KCNT1: variants seen among roughly 807,000 people sequenced by gnomAD.
The protein encoded by KCNT1 is potassium channel subfamily T member 1.
KCNT1 carries 78 observed loss-of-function variants against 147.8 expected under a neutral mutation model. That is an observed-to-expected ratio of 0.53 (90% confidence interval 0.44 to 0.64). The LOEUF (loss-of-function observed/expected upper bound fraction) is 0.64. Ranked by LOEUF, KCNT1 falls within the 30% of genes least tolerant of loss-of-function variation. The pLI is 0.00. For missense variants in KCNT1, 1,419 were observed against 1,750.3 expected (o/e 0.81, Z 3.38); for synonymous variants, 867 against 748.8 (o/e 1.16, Z -2.58).
intron 12 of KCNT1, 126 bp from the exon 13 acceptor site, chr9:135,765,498 C>A: frequency 9.0e-7 from 1 of 1,109,970 alleles, no homozygotes; most frequent in Non-Finnish European, 1.3e-6. Flanking sequence ...TCCCTCCCAC[C>A]AGATGCAAGA....
intron 3 of KCNT1, 120 bp from the exon 4 acceptor site, chr9:135,750,822 G>A (rs368060207): frequency 2.8e-5 from 23 of 835,662 alleles, no homozygotes; most frequent in African/African-American, 1.7e-4. Flanking sequence ...CGTGCAGCCC[G>A]GGTGTGGGAG....
At position 135,751,159 on chromosome 9, in the gene KCNT1, G is replaced by A. The variant is rs1831141764; in HGVS notation, c.434+118G>A. 15 of 919,248 alleles carry A rather than the reference G, an allele frequency of 1.6e-5. No individual in the cohort carries two copies. In the South Asian group the frequency reaches 2.1e-4, roughly 13 times the overall value. 56.9% of individuals were successfully genotyped at this position (919,248 alleles called of 1,614,324 possible). On this transcript the variant is annotated intron_variant, in intron 4 of 30. Coordinates refer to ENST00000371757, the MANE Select transcript of KCNT1 (RefSeq NM_020822.3). Reference sequence around the variant, plus strand: ...GAGCCCCTGTGCCTGGGGCCTTGGGGAGTCCTTCCTTCCCCAGTGCCTGTC... The same window carrying A: ...GAGCCCCTGTGCCTGGGGCCTTGGGAAGTCCTTCCTTCCCCAGTGCCTGTC...
chr9:135,726,621 G>A (rs1836153387), intron 2 of KCNT1, among the ~76,000 whole-genome samples: 1 of 151,856 alleles, frequency 6.6e-6, no homozygotes, highest in Middle Eastern at 3.4e-3. Flanking sequence ...CCCTACTCCC[G>A]CCCCCAACCT....
chr9:135,723,256 T>G lies in KCNT1; in HGVS notation c.254+8536T>G, dbSNP rs145895539. 5.8e-3 allele frequency among the ~76,000 whole-genome samples: 877 copies of G among 152,310 alleles called. 5 individuals are homozygous for G. The highest frequency in any genetic ancestry group is 0.018 in the East Asian group (92 of 5,168). The stretch of plus-strand genomic sequence containing the variant: ...CTGGCAGGGTGGGTGAGCTGTCCCG[T>G]GACCCGTCACCCCTCCACCAGGTCC... On this transcript the variant is annotated intron_variant, in intron 2 of 30. Coordinates refer to ENST00000371757, the MANE Select transcript of KCNT1 (RefSeq NM_020822.3).
At chr9:135,754,746 A>G (rs1384263566) in intron 5 of KCNT1, among the ~76,000 whole-genome samples, 1 of 152,170 alleles carries the variant, frequency 6.6e-6, no homozygotes, top group Admixed American at 6.5e-5. Flanking sequence ...GGTGAAAAAA[A>G]CAGGCTACCC....
At chr9:135,772,407 C>T (rs541967569) in intron 18 of KCNT1, among the ~76,000 whole-genome samples, 4 of 152,284 alleles carry the variant, frequency 2.6e-5, no homozygotes, top group African/African-American at 4.8e-5. Flanking sequence ...CTGAGACCCC[C>T]GAGCCCAGAA....
At chr9:135,746,995 G>A (rs1030316159) in intron 2 of KCNT1, among the ~76,000 whole-genome samples, 1 of 152,092 alleles carries the variant, frequency 6.6e-6, no homozygotes, top group Non-Finnish European at 1.5e-5. Context: ...CCTCGGGGAG[G>A]GGGAGCCGGT....
intron 2 of KCNT1, among the ~76,000 whole-genome samples, chr9:135,717,908 G>T (rs902673749): frequency 2.0e-5 from 3 of 152,216 alleles, no homozygotes; most frequent in African/African-American, 7.2e-5. Context: ...GTCTGGCATG[G>T]CCTCTCTCAT....
intron 2 of KCNT1, among the ~76,000 whole-genome samples, chr9:135,741,824 T>G (rs752796212): frequency 3.9e-5 from 6 of 152,200 alleles, no homozygotes; most frequent in Non-Finnish European, 8.8e-5. Flanking sequence ...ACATGGTTGT[T>G]TTGAGGATTA....
chr9:135,752,540 G>T lies in KCNT1; in HGVS notation c.435-1397G>T. Reference sequence around the variant, plus strand: ...AGGGCCCAAGTCTGTTGTGTTCACTGCCCGTCCCCTAGCACAGCGTCCAGG... The same window carrying T: ...AGGGCCCAAGTCTGTTGTGTTCACTTCCCGTCCCCTAGCACAGCGTCCAGG... On this transcript the variant is annotated intron_variant, in intron 4 of 30. Transcript: ENST00000371757. The surrounding 1 kb of genome is among the most constrained non-coding windows in gnomAD (Gnocchi z 5.1). 1 of 428,224 alleles carries T rather than the reference G, an allele frequency of 2.3e-6. No individual in the cohort carries two copies. The highest frequency in any genetic ancestry group is 7.1e-5 in the East Asian group (1 of 14,110). The allele number at this position is 428,224 out of a possible 1,614,324, so 26.5% of individuals were successfully genotyped here. A position where few individuals can be genotyped will look rare whatever the true frequency, so the allele number is the denominator to read the frequency against.
At chr9:135,723,641 G>A (rs1018846362) in intron 2 of KCNT1, among the ~76,000 whole-genome samples, 1 of 152,238 alleles carries the variant, frequency 6.6e-6, no homozygotes, top group Non-Finnish European at 1.5e-5. Flanking sequence ...GGGCCTCAGA[G>A]CCCTGTCAGT....
At position 135,778,491 on chromosome 9, in the gene KCNT1, G is replaced by T; in HGVS notation, c.2590G>T (p.Asp864Tyr). The T allele has an allele frequency of 1.9e-6, 3 of 1,570,236 alleles. No homozygotes were observed. Among genetic ancestry groups the T allele is most frequent in the Non-Finnish European group, 2.6e-6 (3 of 1,157,420 alleles). The change falls in exon 22 of 31, where the codon GAC (aspartate) becomes TAC (tyrosine). Residue 864 changes from aspartate (D) to tyrosine (Y), a missense_variant. Physicochemically the swap from Asp to Tyr is radical, Grantham distance 160 (BLOSUM62 -3). Around this residue, in one of 5 missense-constraint regions of KCNT1, gnomAD observed 247 missense variants for 397.1 expected, o/e 0.62. Transcript: ENST00000371757. ...PMVYYMEGSVDNLDSLLQCGI... is the reference protein window; with the variant it reads ...PMVYYMEGSVYNLDSLLQCGI... ...GGTCTACTACATGGAGGGCTCTGTG[G>T]ACAAGTAAGGCGTGGCCGGCCGAGG...
intron 4 of KCNT1, among the ~76,000 whole-genome samples, chr9:135,753,045 G>C (rs1831278217): frequency 6.6e-6 from 1 of 151,572 alleles, no homozygotes; most frequent in South Asian, 2.1e-4. Flanking sequence ...TGAGTAGATA[G>C]ATGGATGAGT....
chr9:135,737,408 G>A (rs1182325376), intron 2 of KCNT1, among the ~76,000 whole-genome samples: 1 of 152,116 alleles, frequency 6.6e-6, no homozygotes, highest in African/African-American at 2.4e-5. Flanking sequence ...GGACACCAAG[G>A]CCTCATCTGC....
intron 27 of KCNT1, 90 bp from the exon 28 acceptor site, chr9:135,785,220 T>C: frequency 6.4e-7 from 1 of 1,570,730 alleles, no homozygotes; most frequent in Non-Finnish European, 8.7e-7. Flanking sequence ...CCACCAGCCC[T>C]AAGCATGTTC....
chr9:135,721,401 T>C (rs1023138825), intron 2 of KCNT1, among the ~76,000 whole-genome samples: 1 of 152,206 alleles, frequency 6.6e-6, no homozygotes, highest in Non-Finnish European at 1.5e-5. Context: ...ATCCCAGTCC[T>C]GCCCCTGGCC....
At position 135,794,056 on chromosome 9, in the gene KCNT1, C is replaced by A; in HGVS notation, c.*1895C>A. ...CCCCCAGGCGAGGGGGGCTGCACAGCACCTGCAGGGAGGAGAAGGGAGAGA... is the reference window on the plus strand; with the variant it reads ...CCCCCAGGCGAGGGGGGCTGCACAGAACCTGCAGGGAGGAGAAGGGAGAGA... On this transcript the variant is annotated 3_prime_UTR_variant, in exon 31 of 31. Transcript: ENST00000371757. The A allele has an allele frequency of 6.6e-6, 1 of 152,556 alleles. No homozygotes were observed. Among genetic ancestry groups the A allele is most frequent in the Non-Finnish European group, 1.5e-5 (1 of 68,180 alleles). The allele number at this position is 152,556 out of a possible 1,614,324, so 9.5% of individuals were successfully genotyped here.
chr9:135,764,984 C>T (rs778734362), intron 11 of KCNT1, 47 bp from the exon 12 acceptor site: 3 of 1,564,518 alleles, frequency 1.9e-6, no homozygotes, highest in Admixed American at 1.8e-5. Flanking sequence ...CGGGAGCCCT[C>T]GCTCCCCAGG....
At position 135,757,450 on chromosome 9, in the gene KCNT1, C is replaced by T. The variant is rs560682518; in HGVS notation, c.759+69C>T. 133 of 1,427,218 alleles carry T rather than the reference C, an allele frequency of 9.3e-5. 6 individuals are homozygous for T. The South Asian group carries it at 1.4e-3, about 16-fold the overall frequency. 88.4% of individuals were successfully genotyped at this position (1,427,218 alleles called of 1,614,324 possible). On this transcript the variant is annotated intron_variant, in intron 9 of 30. Coordinates refer to ENST00000371757, the MANE Select transcript of KCNT1 (RefSeq NM_020822.3). ...CCTCAGCCTCACCGGCCCTGGAAGA[C>T]ACTGTGCGACGTAGCCTGCCACGCC...
Sources: gnomAD v4.1 joint callset for allele counts (sites outside exome capture counted in the v4.1 genomes callset) on GRCh38, gnomAD v4.1.1 for gene constraint, gnomAD v4.1.1 regional missense constraint, Gnocchi (gnomAD v3.1) non-coding constraint, MANE v1.5 for transcripts, NCBI Gene and HGNC (gene_info 2026-07-23, HGNC 2026-07-21) for gene names.